Variants in SLC7A6 observed in about 807,000 individuals in gnomAD.
SLC7A6 encodes solute carrier family 7 member 6.
Under a neutral mutation model 46.6 loss-of-function variants are expected in SLC7A6, and 29 were observed. That is an observed-to-expected ratio of 0.62 (90% CI 0.46 to 0.85). The LOEUF (loss-of-function observed/expected upper bound fraction) is 0.85. SLC7A6 is among the 40% of genes least tolerant of loss of function. The probability of loss-of-function intolerance (pLI) is 0.00; values close to 1 mark genes in which losing one functional copy is unlikely to be tolerated. For missense variants in SLC7A6, 527 were observed against 647.6 expected (o/e 0.81, Z 2.02); for synonymous variants, 276 against 257.3 (o/e 1.07, Z -0.70).
At chr16:68,297,192 T>C in intron 10 of SLC7A6, 42 bp from the exon 11 acceptor site, 1 of 1,586,440 alleles carries the variant, frequency 6.3e-7, no homozygotes, top group Non-Finnish European at 8.6e-7. Context: ...GGGCTGTAGC[T>C]AGATGTTTAC....
intron 5 of SLC7A6, chr16:68,290,913 C>A: frequency 2.1e-6 from 1 of 486,586 alleles, no homozygotes; most frequent in Admixed American, 3.4e-5. Flanking sequence ...GTCCCCAGGA[C>A]ACTGTTCCTT....
Position 68,297,293 on chromosome 16 carries a change from G to A in SLC7A6, c.1513G>A (p.Ala505Thr). 1 of 1,613,838 alleles carries A rather than the reference G, an allele frequency of 6.2e-7. No homozygotes were observed. Among genetic ancestry groups the A allele is most frequent in the South Asian group, 1.1e-5 (1 of 91,056 alleles). Residue 505 changes from alanine to threonine, a missense_variant, in exon 11 of 11, where the codon GCC becomes ACC. By Grantham distance (58) the Ala-to-Thr change is moderately conservative. Transcript: ENST00000219343. ...TTGTGTCCTGACTGAGCTTGATGTA[G>A]CCGAAGAAAAAAAGGATGAGAGGAA... Reference protein sequence around the residue: ...CFCVLTELDVAEEKKDERKTD With the variant: ...CFCVLTELDVTEEKKDERKTD
chr16:68,286,410 A>T (rs1417682759), intron 3 of SLC7A6, among the ~76,000 whole-genome samples: 1 of 152,032 alleles, frequency 6.6e-6, no homozygotes, highest in Non-Finnish European at 1.5e-5. Context: ...AGAGGAGGGG[A>T]GGACATTTCT....
intron 5 of SLC7A6, 69 bp from the exon 6 acceptor site, chr16:68,291,140 G>A (rs1295212638): frequency 1.2e-6 from 2 of 1,600,648 alleles, no homozygotes; most frequent in Non-Finnish European, 1.7e-6. Flanking sequence ...AATCCCAGTG[G>A]AGACTTGATA....
intron 8 of SLC7A6, 58 bp from the exon 9 acceptor site, chr16:68,296,306 T>G (rs2043164031): frequency 6.2e-7 from 1 of 1,601,074 alleles, no homozygotes; most frequent in Middle Eastern, 1.7e-4. Flanking sequence ...GGTGGGGGAG[T>G]CTCCTGGGGG....
At chr16:68,291,858 T>C in intron 7 of SLC7A6, 197 bp downstream of exon 7, 1 of 566,158 alleles carries the variant, frequency 1.8e-6, no homozygotes, top group Non-Finnish European at 3.1e-6. Context: ...TGCTGGTAGC[T>C]CATGTTTCCA....
At position 68,301,352 on chromosome 16, in the gene SLC7A6, G is replaced by T. The variant is rs765933454; in HGVS notation, c.*4024G>T. The T allele has an allele frequency of 3.1e-6, 5 of 1,613,942 alleles. No individual in the cohort carries two copies. The Admixed American group carries it at 6.7e-5, about 22-fold the overall frequency. On this transcript the variant is annotated 3_prime_UTR_variant, in exon 11 of 11. Transcript: ENST00000219343. ...TCCAGAGGGTACTTGCTCCACATCC[G>T]CTGTCTGCTGCTGCCTCTTTCCTCC...
At chr16:68,266,208 C>G (rs1324125828) in intron 1 of SLC7A6, among the ~76,000 whole-genome samples, 2 of 151,890 alleles carry the variant, frequency 1.3e-5, no homozygotes, top group African/African-American at 4.8e-5. Context: ...TGCAGTGAGC[C>G]AAGATTGCGC....
chr16:68,265,056 G>C (rs1454032331), intron 1 of SLC7A6, among the ~76,000 whole-genome samples: 3 of 152,224 alleles, frequency 2.0e-5, no homozygotes, highest in Non-Finnish European at 4.4e-5. Flanking sequence ...TGGCGGCCGC[G>C]GTGGGGCAAA....
intron 4 of SLC7A6, 52 bp downstream of exon 4, chr16:68,287,923 G>A (rs1056397017): frequency 2.5e-6 from 4 of 1,599,240 alleles, no homozygotes; most frequent in Admixed American, 1.7e-5. Flanking sequence ...ATTCCCTGAG[G>A]AGAACATGGC....
intron 3 of SLC7A6, among the ~76,000 whole-genome samples, chr16:68,284,857 G>GTTTTTTTT (rs1285237242): frequency 3.2e-5 from 1 of 30,892 alleles, no homozygotes; most frequent in African/African-American, 2.7e-4. Context: ...GTATTTTCTC[G>GTTTTTTTT]TCTTTTTTTT....
At chr16:68,265,330 A>G (rs557259916) in intron 1 of SLC7A6, among the ~76,000 whole-genome samples, 1 of 152,156 alleles carries the variant, frequency 6.6e-6, no homozygotes, top group East Asian at 1.9e-4. Context: ...CATTCTGAAA[A>G]TTCTTTGCTG....
At chr16:68,293,178 G>A (rs2043092322) in intron 7 of SLC7A6, among the ~76,000 whole-genome samples, 1 of 152,176 alleles carries the variant, frequency 6.6e-6, no homozygotes, top group South Asian at 2.1e-4. Context: ...CACTTTGGGA[G>A]GCTTAGGCGA....
intron 4 of SLC7A6, 112 bp from the exon 5 acceptor site, chr16:68,290,284 C>T: frequency 6.3e-6 from 7 of 1,112,248 alleles, no homozygotes; most frequent in Admixed American, 2.4e-5. Context: ...ATCTTCCCTT[C>T]CTCTTTCCTA....
Position 68,274,689 on chromosome 16 carries a change from A to G in SLC7A6, c.-36-2A>G, listed in dbSNP as rs776011478. ...GACTGACATACTTGTATTCTTTGCC[A>G]GGCCACAGCAAACACAGGTGTGCAG... is the stretch of plus-strand genomic sequence containing the variant. On this transcript the variant is annotated splice_acceptor_variant, in intron 2 of 10. Coordinates refer to ENST00000219343, the MANE Select transcript of SLC7A6 (RefSeq NM_003983.6). LOFTEE classifies it low-confidence loss of function (5UTR_SPLICE). 7 of 1,608,978 alleles carry G rather than the reference A, an allele frequency of 4.4e-6. No homozygotes were observed. In the South Asian group the frequency reaches 6.6e-5, roughly 15 times the overall value.
At chr16:68,287,657 A>C (rs2042965152) in intron 3 of SLC7A6, 89 bp from the exon 4 acceptor site, 3 of 1,554,232 alleles carry the variant, frequency 1.9e-6, no homozygotes, top group Non-Finnish European at 2.6e-6. Flanking sequence ...TTAGGCAGGA[A>C]GGGCAGAAAG....
chr16:68,301,267 C>G lies in SLC7A6; in HGVS notation c.*3939C>G, dbSNP rs370880084. 21 of 1,613,806 alleles carry G rather than the reference C, an allele frequency of 1.3e-5. No individual in the cohort carries two copies. Among genetic ancestry groups the G allele is most frequent in the Middle Eastern group, 1.7e-4 (1 of 6,060 alleles). The stretch of plus-strand genomic sequence containing the variant: ...ATGTGGCAGAACCTCATGGACATCA[C>G]AAGACCATCAGTCTGAATCCAGGTC... On this transcript the variant is annotated 3_prime_UTR_variant, in exon 11 of 11. Transcript: ENST00000219343.
chr16:68,294,416 G>A (rs1316236226), intron 7 of SLC7A6, among the ~76,000 whole-genome samples: 1 of 152,160 alleles, frequency 6.6e-6, no homozygotes, highest in South Asian at 2.1e-4. Context: ...GGCATCTGTT[G>A]GATGTTGGTG....
chr16:68,296,465 A>G lies in SLC7A6; in HGVS notation c.1221A>G (p.Gly407=). 4 of 1,614,020 alleles carry G rather than the reference A, an allele frequency of 2.5e-6. No individual in the cohort carries two copies. Among genetic ancestry groups the G allele is most frequent in the Non-Finnish European group, 3.4e-6 (4 of 1,179,978 alleles). The change falls in exon 9 of 11, where the codon GGA becomes GGG. Residue 407 remains glycine (G), a synonymous_variant. Transcript: ENST00000219343. ...TCTTCGTGGGCCTGTCTGTTGTTGG[A>G]CAGCTCTACCTCCGCTGGAAGGAGC... ...YWFFVGLSVV[G]QLYLRWKEPK... is the part of the protein sequence containing the mutation.
Sources: gnomAD v4.1 joint callset for allele counts (sites outside exome capture counted in the v4.1 genomes callset) on GRCh38, gnomAD v4.1.1 for gene constraint, MANE v1.5 for transcripts, NCBI Gene and HGNC (gene_info 2026-07-23, HGNC 2026-07-21) for gene names.